Variants in EMX2 observed in about 807,000 individuals in gnomAD.
EMX2 encodes the protein homeobox protein EMX2.
Under a neutral mutation model 23.0 loss-of-function variants are expected in EMX2, and 6 were observed. The ratio of observed to expected loss-of-function variants is 0.26; its 90% CI spans 0.14 to 0.52. The LOEUF is 0.52. EMX2 is among the 20% of genes least tolerant of loss of function. The pLI is 0.97. For missense variants in EMX2, 302 were observed against 341.4 expected (o/e 0.88, Z 0.91); for synonymous variants, 175 against 153.3 (o/e 1.14, Z -1.04).
At chr10:117,547,112 C>G (rs1281006919) in intron 2 of EMX2, among the ~76,000 whole-genome samples, 3 of 152,300 alleles carry the variant, frequency 2.0e-5, no homozygotes, top group Admixed American at 6.5e-5. Flanking sequence ...TGAGGACCCA[C>G]GACTCAGCTT....
rs1589649385 is a variant in EMX2, at chr10:117,545,920, G to A, written c.591+104G>A. 4.0e-6 allele frequency: 6 copies of A among 1,484,170 alleles called. No individual in the cohort carries two copies. The East Asian group carries it at 7.1e-5, about 18-fold the overall frequency. 91.9% of individuals were successfully genotyped at this position (1,484,170 alleles called of 1,614,324 possible). A position where few individuals can be genotyped will look rare whatever the true frequency, so the allele number is the denominator to read the frequency against. On this transcript the variant is annotated intron_variant, in intron 2 of 2. Transcript: ENST00000553456. ...GCACGGAGCTCTGTGAGGGCCTTCC[G>A]CACAGGTCCTGGTAGCTGGTTCCAC...
rs1846628259 is a variant in EMX2, at chr10:117,549,417, G to A, written c.*1185G>A. 1 of 152,564 alleles carries A rather than the reference G, an allele frequency of 6.6e-6. No homozygotes were observed. The highest frequency in any genetic ancestry group is 6.5e-5 in the Admixed American group (1 of 15,282). The allele number at this position is 152,564 out of a possible 1,614,324, so 9.5% of individuals were successfully genotyped here. Reference sequence around the variant, plus strand: ...AGAGAGTGACAAATGCTTCCTTAATGTCTTCTATACCAGAATGTAAATATT... The same window carrying A: ...AGAGAGTGACAAATGCTTCCTTAATATCTTCTATACCAGAATGTAAATATT... On this transcript the variant is annotated 3_prime_UTR_variant, in exon 3 of 3. Coordinates refer to ENST00000553456, the MANE Select transcript of EMX2 (RefSeq NM_004098.4).
intron 2 of EMX2, among the ~76,000 whole-genome samples, chr10:117,547,791 A>G (rs905713914): frequency 7.2e-5 from 11 of 152,152 alleles, no homozygotes; most frequent in Non-Finnish European, 1.3e-4. Flanking sequence ...GCCAGGAGAG[A>G]TGGGGCTCAG....
rs1425600282 is a variant in EMX2 at position 117,543,085 on chromosome 10, C to A, written c.-183C>A. ...GCTTTGCCTCTCCCTCTCCCTCCCC[C>A]CTCCTTTCCTTTTTCCTTTCCTTTC... On this transcript the variant is annotated 5_prime_UTR_variant, in exon 1 of 3. Transcript: ENST00000553456. 1 of 524,476 alleles carries A rather than the reference C, an allele frequency of 1.9e-6. No individual in the cohort carries two copies. Among genetic ancestry groups the A allele is most frequent in the Non-Finnish European group, 3.1e-6 (1 of 327,218 alleles). 32.5% of individuals were successfully genotyped at this position (524,476 alleles called of 1,614,324 possible).
At chr10:117,547,423 G>A (rs912175291) in intron 2 of EMX2, among the ~76,000 whole-genome samples, 5 of 152,156 alleles carry the variant, frequency 3.3e-5, no homozygotes, top group African/African-American at 9.7e-5. Context: ...TGGTCTGGAG[G>A]CCTACACACT....
rs1184803015 is a variant in EMX2 at position 117,545,590 on chromosome 10, G to A, written c.407-42G>A. On this transcript the variant is annotated intron_variant, in intron 1 of 2. Transcript: ENST00000553456. ...CGGGAGAAGTGCGCGGCTCCGGTCA[G>A]AGCAGCCCCCCCTAATGGGATTTCT... The A allele has an allele frequency of 1.9e-6, 3 of 1,611,698 alleles. No individual in the cohort carries two copies. In the Admixed American group the frequency reaches 5.0e-5, roughly 27 times the overall value.
rs1846609423 is a variant in EMX2, at chr10:117,548,307, C to T, written c.*75C>T. 2 of 1,566,472 alleles carry T rather than the reference C, an allele frequency of 1.3e-6. No homozygotes were observed. The highest frequency in any genetic ancestry group is 1.2e-5 in the South Asian group (1 of 85,720). ...AGGGAGAGGTGGAGAAGGAAAAAAC[C>T]CTACAAAACAAAAACAAACCGCATA... On this transcript the variant is annotated 3_prime_UTR_variant, in exon 3 of 3. Transcript: ENST00000553456.
rs549113478 is a variant in EMX2 at position 117,547,206 on chromosome 10, C to A, written c.592-859C>A. 1.1e-3 allele frequency among the ~76,000 whole-genome samples: 161 copies of A among 152,304 alleles called. 3 individuals carry two copies. In the South Asian group the frequency reaches 0.033, roughly 31 times the overall value. ...CAGCCGCTCTGGTGAGGCCGGGCCT[C>A]CAGCCCCACCCTGGTGGGAAGTGAT... is the stretch of plus-strand genomic sequence containing the variant. On this transcript the variant is annotated intron_variant, in intron 2 of 2. Transcript: ENST00000553456.
intron 1 of EMX2, among the ~76,000 whole-genome samples, 188 bp downstream of exon 1, chr10:117,543,861 A>G (rs957828481): frequency 6.6e-6 from 1 of 152,188 alleles, no homozygotes; most frequent in African/African-American, 2.4e-5. Flanking sequence ...CTCCGAAGCT[A>G]CGACTGGTTT....
chr10:117,547,228 T>C (rs1404806613), intron 2 of EMX2, among the ~76,000 whole-genome samples: 1 of 152,006 alleles, frequency 6.6e-6, no homozygotes, highest in Non-Finnish European at 1.5e-5. Context: ...TGGTGGGAAG[T>C]GATGGGACTG....
In EMX2 at chr10:117,543,081, C is replaced by T. The variant is rs1846514986; in HGVS notation, c.-187C>T. ...CTCGGCTTTGCCTCTCCCTCTCCCTCCCCCCTCCTTTCCTTTTTCCTTTCC... is the reference window on the plus strand; with the variant it reads ...CTCGGCTTTGCCTCTCCCTCTCCCTTCCCCCTCCTTTCCTTTTTCCTTTCC... On this transcript the variant is annotated 5_prime_UTR_variant, in exon 1 of 3. Transcript: ENST00000553456. 2.6e-6 allele frequency: 1 copy of T among 388,172 alleles called. No homozygotes were observed. The highest frequency in any genetic ancestry group is 2.7e-5 in the South Asian group (1 of 36,364). The allele number at this position is 388,172 out of a possible 1,614,324, so 24.0% of individuals were successfully genotyped here.
rs1398195624 is a variant in EMX2 at position 117,543,159 on chromosome 10, A to G, written c.-109A>G. On this transcript the variant is annotated 5_prime_UTR_variant, in exon 1 of 3. Coordinates refer to ENST00000553456, the MANE Select transcript of EMX2 (RefSeq NM_004098.4). ...CCCACCCCCACCCCCACCCCAAACAAACGAGTCCCCAATTCTCGTCCGTCC... is the reference window on the plus strand; with the variant it reads ...CCCACCCCCACCCCCACCCCAAACAGACGAGTCCCCAATTCTCGTCCGTCC... The G allele has an allele frequency of 4.7e-5, 13 of 277,006 alleles. No homozygotes were observed. In the East Asian group the frequency reaches 2.1e-3, roughly 45 times the overall value. 17.2% of individuals were successfully genotyped at this position (277,006 alleles called of 1,614,324 possible).
In EMX2 at chr10:117,549,358, C is replaced by T. The variant is rs1846627552; in HGVS notation, c.*1126C>T. 6.6e-6 allele frequency: 1 copy of T among 152,620 alleles called. No homozygotes were observed. Among genetic ancestry groups the T allele is most frequent in the Non-Finnish European group, 1.5e-5 (1 of 68,034 alleles). 9.5% of individuals were successfully genotyped at this position (152,620 alleles called of 1,614,324 possible). A position where few individuals can be genotyped will look rare whatever the true frequency, so the allele number is the denominator to read the frequency against. On this transcript the variant is annotated 3_prime_UTR_variant, in exon 3 of 3. Transcript: ENST00000553456. ...GCGCACGGCGGCAAGTTTTCAAGCA[C>T]TGAGTTTCTATTCCAAGATCATAGA...
Position 117,543,310 on chromosome 10 carries a change from C to T in EMX2, c.43C>T (p.Leu15=). ...APKRCFTIES[L]VAKDSPLPAS... is the part of the protein sequence containing the mutation. The stretch of plus-strand genomic sequence containing the variant: ...CAAGCGCTGCTTCACCATCGAGTCG[C>T]TGGTGGCCAAGGACAGTCCCCTGCC... The change falls in exon 1 of 3, where the codon CTG becomes TTG. Residue 15 remains leucine (L), a synonymous_variant. Transcript: ENST00000553456. The T allele has an allele frequency of 1.3e-6, 2 of 1,551,204 alleles. No individual in the cohort carries two copies. The highest frequency in any genetic ancestry group is 1.7e-6 in the Non-Finnish European group (2 of 1,147,438).
rs1480338952 is a variant in EMX2 at position 117,543,482 on chromosome 10, C to T, written c.215C>T (p.Ala72Val). 1.2e-6 allele frequency: 2 copies of T among 1,610,076 alleles called. No individual in the cohort carries two copies. Among genetic ancestry groups the T allele is most frequent in the Non-Finnish European group, 1.7e-6 (2 of 1,178,646 alleles). Reference protein sequence around the residue: ...GVYSNPDLVFAEAVSHPPNPA... With the variant: ...GVYSNPDLVFVEAVSHPPNPA... Reference sequence around the variant, plus strand: ...TACTCCAACCCGGACTTGGTGTTCGCCGAGGCGGTCTCGCACCCGCCCAAC... The same window carrying T: ...TACTCCAACCCGGACTTGGTGTTCGTCGAGGCGGTCTCGCACCCGCCCAAC... The change falls in exon 1 of 3, where the codon GCC becomes GTC. Residue 72 changes from alanine (A) to valine (V), a missense_variant. Physicochemically the swap from Ala to Val is moderately conservative, Grantham distance 64. This residue lies in a region of EMX2 where 221 missense variants were observed against 206.8 expected (regional missense o/e 1.07). Coordinates refer to ENST00000553456, the MANE Select transcript of EMX2 (RefSeq NM_004098.4).
In EMX2 at chr10:117,542,977, C is replaced by G; in HGVS notation, c.-291C>G. On this transcript the variant is annotated 5_prime_UTR_variant, in exon 1 of 3. In the 5' UTR this introduces an upstream ATG that the reference lacks. Coordinates refer to ENST00000553456, the MANE Select transcript of EMX2 (RefSeq NM_004098.4). Reference sequence around the variant, plus strand: ...AAAAAAGAAAAAAAATTACCCCAATCCACGCCTGCAAATTCTTCTGGAAGG... The same window carrying G: ...AAAAAAGAAAAAAAATTACCCCAATGCACGCCTGCAAATTCTTCTGGAAGG... The G allele has an allele frequency of 3.1e-6, 1 of 318,856 alleles. No individual in the cohort carries two copies. Among genetic ancestry groups the G allele is most frequent in the Non-Finnish European group, 5.6e-6 (1 of 178,332 alleles). 19.8% of individuals were successfully genotyped at this position (318,856 alleles called of 1,614,324 possible).
Position 117,548,498 on chromosome 10 carries a change from G to C in EMX2, c.*266G>C. 1.7e-6 allele frequency: 1 copy of C among 594,824 alleles called. No individual in the cohort carries two copies. Among genetic ancestry groups the C allele is most frequent in the Admixed American group, 3.2e-5 (1 of 30,898 alleles). The allele number at this position is 594,824 out of a possible 1,614,324, so 36.8% of individuals were successfully genotyped here. A position where few individuals can be genotyped will look rare whatever the true frequency, so the allele number is the denominator to read the frequency against. On this transcript the variant is annotated 3_prime_UTR_variant, in exon 3 of 3. Transcript: ENST00000553456. ...CTCGTCTAAAGAGGCAGCTGAGTGAGAGACACAGAGAGAAGGAGAAAGAGG... is the reference window on the plus strand; with the variant it reads ...CTCGTCTAAAGAGGCAGCTGAGTGACAGACACAGAGAGAAGGAGAAAGAGG...
Position 117,543,285 on chromosome 10 carries a change from C to T in EMX2, c.18C>T (p.Pro6=). The T allele has an allele frequency of 1.3e-6, 2 of 1,548,924 alleles. No homozygotes were observed. The highest frequency in any genetic ancestry group is 1.4e-5 in the African/African-American group (1 of 72,966). The change falls in exon 1 of 3, where the codon CCC becomes CCT. Residue 6 remains proline, a synonymous_variant. Transcript: ENST00000553456. ...GGCGCAGCATGTTCCAGCCGGCGCC[C>T]AAGCGCTGCTTCACCATCGAGTCGC... MFQPA[P]KRCFTIESLV...
rs1315059470 is a variant in EMX2, at chr10:117,549,530, T to G, written c.*1298T>G. 3 of 152,668 alleles carry G rather than the reference T, an allele frequency of 2.0e-5. No individual in the cohort carries two copies. The highest frequency in any genetic ancestry group is 6.5e-5 in the Admixed American group (1 of 15,282). 9.5% of individuals were successfully genotyped at this position (152,668 alleles called of 1,614,324 possible). On this transcript the variant is annotated 3_prime_UTR_variant, in exon 3 of 3. Coordinates refer to ENST00000553456, the MANE Select transcript of EMX2 (RefSeq NM_004098.4). ...ATGTCAATATTTTGTCAATAAAGAT[T>G]TATCAATATGCCCTCAGAGTAGTCG...
Sources: gnomAD v4.1 joint callset for allele counts (sites outside exome capture counted in the v4.1 genomes callset) on GRCh38, gnomAD v4.1.1 for gene constraint, gnomAD v4.1.1 regional missense constraint, MANE v1.5 for transcripts, NCBI Gene and HGNC (gene_info 2026-07-23, HGNC 2026-07-21) for gene names.